FMN1: variants seen among roughly 807,000 people sequenced by gnomAD.
FMN1 encodes formin 1, also known as formin-1.
Under a neutral mutation model 132.4 loss-of-function variants are expected in FMN1, and 110 were observed. The ratio of observed to expected loss-of-function variants is 0.83; its 90% CI spans 0.71 to 0.97. FMN1 has a LOEUF of 0.97. Among genes scored for constraint, FMN1 ranks in the 50% least tolerant of loss-of-function variants. The probability of loss-of-function intolerance (pLI) is 0.00; values close to 1 mark genes in which losing one functional copy is unlikely to be tolerated. For missense variants in FMN1, 1,792 were observed against 1,705.3 expected (o/e 1.05, Z -0.90); for synonymous variants, 722 against 651.7 (o/e 1.11, Z -1.64).
At chr15:33,080,507 C>T (rs2038409014) in intron 5 of FMN1, among the ~76,000 whole-genome samples, 1 of 152,206 alleles carries the variant, frequency 6.6e-6, no homozygotes, top group Admixed American at 6.5e-5. Context: ...AATCCCAGAA[C>T]TTTGTGAGGC....
intron 7 of FMN1, among the ~76,000 whole-genome samples, chr15:32,979,088 T>C (rs1030378241): frequency 1.3e-5 from 2 of 152,124 alleles, no homozygotes; most frequent in African/African-American, 4.8e-5. Context: ...AAGAAGGGGC[T>C]CAGAGGAGTG....
intron 17 of FMN1, among the ~76,000 whole-genome samples, chr15:32,828,052 GAAGGCC>G (rs1280539162): frequency 6.6e-6 from 1 of 152,216 alleles, no homozygotes; most frequent in Admixed American, 6.5e-5. Flanking sequence ...CAGCACTTTG[GAAGGCC>G]AAGGCAGGTG....
intron 4 of FMN1, among the ~76,000 whole-genome samples, chr15:33,091,151 T>A (rs573511094): frequency 6.6e-6 from 1 of 152,320 alleles, no homozygotes; most frequent in African/African-American, 2.4e-5. Context: ...AAACACAATG[T>A]ACAACACCTG....
intron 6 of FMN1, among the ~76,000 whole-genome samples, chr15:33,058,883 G>GT (rs1457512579): frequency 2.5e-4 from 38 of 152,226 alleles, no homozygotes; most frequent in Non-Finnish European, 5.3e-4. Flanking sequence ...CCTTTCTTGC[G>GT]TATCATTTGT....
chr15:32,847,298 G>GTC (rs2058881087), intron 17 of FMN1, among the ~76,000 whole-genome samples: 1 of 148,270 alleles, frequency 6.7e-6, no homozygotes, highest in Non-Finnish European at 1.5e-5. Flanking sequence ...ATGTGTGTGT[G>GTC]TGTGTGTAAA....
At chr15:32,938,417 T>C (rs143364006) in intron 9 of FMN1, among the ~76,000 whole-genome samples, 1,933 of 152,108 alleles carry the variant, frequency 0.013, 39 homozygotes, top group African/African-American at 0.045. Context: ...TAATCCCAGC[T>C]CCTCGGGAGG....
intron 4 of FMN1, among the ~76,000 whole-genome samples, chr15:33,146,879 C>T (rs542525500): frequency 1.4e-4 from 21 of 152,142 alleles, no homozygotes; most frequent in African/African-American, 4.6e-4. Flanking sequence ...CTCAGGATTC[C>T]CTAAGAAATA....
At chr15:33,003,610 C>T (rs1225109460) in intron 7 of FMN1, among the ~76,000 whole-genome samples, 1 of 152,144 alleles carries the variant, frequency 6.6e-6, no homozygotes, top group East Asian at 1.9e-4. Context: ...TGAAAATGGC[C>T]ATACTGCCCA....
rs145760608 is a variant in FMN1, at chr15:32,973,102, G to C, written c.2224-3625C>G. Among the ~76,000 whole-genome samples, 33 of 152,188 alleles carry C rather than the reference G, an allele frequency of 2.2e-4. No individual in the cohort carries two copies. The East Asian group carries it at 3.7e-3, about 17-fold the overall frequency. On this transcript the variant is annotated intron_variant, in intron 7 of 20. Transcript: ENST00000616417. ...TCTTGACTCAAATTCAACCACTTTGGTTCCAAGAAGATTTTGAAAAAATAA... is the reference window on the plus strand; with the variant it reads ...TCTTGACTCAAATTCAACCACTTTGCTTCCAAGAAGATTTTGAAAAAATAA...
intron 17 of FMN1, among the ~76,000 whole-genome samples, chr15:32,850,915 C>T (rs2058993401): frequency 6.6e-6 from 1 of 151,902 alleles, no homozygotes; most frequent in South Asian, 2.1e-4. Flanking sequence ...CTAATCTAGC[C>T]AGGCGTGGTG....
chr15:33,162,387 A>G (rs553910346), intron 3 of FMN1, among the ~76,000 whole-genome samples: 1 of 152,272 alleles, frequency 6.6e-6, no homozygotes, highest in East Asian at 1.9e-4. Flanking sequence ...CACAGCAGAA[A>G]GAGACCTATA....
chr15:33,138,512 G>A (rs1308102784), intron 4 of FMN1, among the ~76,000 whole-genome samples: 1 of 151,926 alleles, frequency 6.6e-6, no homozygotes, highest in Non-Finnish European at 1.5e-5. Context: ...CCTTCCTCTT[G>A]TCTAACCTCT....
intron 6 of FMN1, among the ~76,000 whole-genome samples, chr15:33,045,648 G>T (rs1255600899): frequency 6.6e-6 from 1 of 152,202 alleles, no homozygotes; most frequent in Admixed American, 6.5e-5. Flanking sequence ...GATTGAATCT[G>T]ATCTGGTAAT....
chr15:32,935,662 C>CT (rs1315103814), intron 9 of FMN1, among the ~76,000 whole-genome samples: 1 of 151,252 alleles, frequency 6.6e-6, no homozygotes, highest in East Asian at 1.9e-4. Context: ...GAGTCTTGCT[C>CT]TGTCACCCAG....
chr15:33,072,300 T>A (rs769926394), intron 5 of FMN1, among the ~76,000 whole-genome samples: 1 of 152,042 alleles, frequency 6.6e-6, no homozygotes, highest in Non-Finnish European at 1.5e-5. Context: ...ATATGAAGGG[T>A]TGACTTTTCA....
chr15:33,119,879 A>T (rs995804052), intron 4 of FMN1, among the ~76,000 whole-genome samples: 1 of 152,174 alleles, frequency 6.6e-6, no homozygotes, highest in African/African-American at 2.4e-5. Context: ...ACTATGAAAA[A>T]TCACTGTATA....
In FMN1 at chr15:33,122,235, TAA is replaced by T. The variant is rs1481275736; in HGVS notation, c.1867+30811_1867+30812del. ...TAGTCACCAAAAAAAGTGAATAAGC[TAA>T]GTCTTATTTATTCTTGTCATATTCC... is the stretch of plus-strand genomic sequence containing the variant. On this transcript the variant is annotated intron_variant, in intron 4 of 20. Transcript: ENST00000616417. Among the ~76,000 whole-genome samples the T allele has an allele frequency of 3.9e-5, 6 of 152,360 alleles. No individual in the cohort carries two copies. The East Asian group carries it at 7.7e-4, about 20-fold the overall frequency.
intron 15 of FMN1, 51 bp downstream of exon 15, chr15:32,898,783 T>C (rs368577563): frequency 1.7e-5 from 20 of 1,173,586 alleles, no homozygotes; most frequent in Non-Finnish European, 2.4e-5. Context: ...AACTTATGAA[T>C]GTCAACAATG....
intron 17 of FMN1, among the ~76,000 whole-genome samples, chr15:32,844,100 C>T (rs1258780): frequency 0.16 from 24,875 of 152,132 alleles, 2,639 homozygotes; most frequent in East Asian, 0.44. Flanking sequence ...CCTCAGCTCA[C>T]GACTTTTTCA....
Sources: gnomAD v4.1 joint callset for allele counts (sites outside exome capture counted in the v4.1 genomes callset) on GRCh38, gnomAD v4.1.1 for gene constraint, MANE v1.5 for transcripts, NCBI Gene and HGNC (gene_info 2026-07-23, HGNC 2026-07-21) for gene names.